Variants in KCTD1 observed in about 807,000 individuals in gnomAD.
KCTD1 encodes the protein BTB/POZ domain-containing protein KCTD1.
Under a neutral mutation model 66.0 loss-of-function variants are expected in KCTD1, and 24 were observed. The ratio of observed to expected loss-of-function variants is 0.36; its 90% CI spans 0.26 to 0.51. The LOEUF (loss-of-function observed/expected upper bound fraction) is 0.51. Ranked by LOEUF, KCTD1 falls within the 20% of genes least tolerant of loss-of-function variation. The pLI is 0.95. For missense variants in KCTD1, 943 were observed against 1,205.2 expected, an observed-to-expected ratio of 0.78 and a Z score of 3.22; for synonymous variants, 511 against 517.2, an observed-to-expected ratio of 0.99 and a Z score of 0.16.
chr18:26,550,054 C>T (rs1277983332), upstream of KCTD1, among the ~76,000 whole-genome samples: 1 of 152,126 alleles, frequency 6.6e-6, no homozygotes, highest in Non-Finnish European at 1.5e-5. This position sits in a 1 kb window ranked among gnomAD's most constrained non-coding sequence, Gnocchi z 5.4. Flanking sequence ...CTCCCGCAGC[C>T]CGTGTGTACC....
chr18:26,617,687 A>G (rs2145008554), intron 1 of KCTD1, among the ~76,000 whole-genome samples: 1 of 152,344 alleles, frequency 6.6e-6, no homozygotes, highest in South Asian at 2.1e-4. Context: ...TGCGGTGTCC[A>G]AATCTCCCAT....
chr18:26,472,469 A>G (rs1981121824), intron 3 of KCTD1, among the ~76,000 whole-genome samples: 1 of 152,190 alleles, frequency 6.6e-6, no homozygotes, highest in African/African-American at 2.4e-5. Context: ...TGCTCATTGT[A>G]AAAACTAATG....
At chr18:26,614,754 C>T (rs1987212994) in intron 1 of KCTD1, among the ~76,000 whole-genome samples, 1 of 152,190 alleles carries the variant, frequency 6.6e-6, no homozygotes, top group African/African-American at 2.4e-5. Flanking sequence ...ATCCAGGAAA[C>T]TTAGTTGTTT....
At chr18:26,650,228 G>A (rs1406186840) in intron 1 of KCTD1, among the ~76,000 whole-genome samples, 1 of 152,250 alleles carries the variant, frequency 6.6e-6, no homozygotes, top group Non-Finnish European at 1.5e-5. Flanking sequence ...GTATCTGGCA[G>A]AACTTGGGTC....
chr18:26,509,912 G>C (rs1010443034), intron 1 of KCTD1, among the ~76,000 whole-genome samples: 1 of 152,172 alleles, frequency 6.6e-6, no homozygotes, highest in Non-Finnish European at 1.5e-5. Flanking sequence ...TCTAAGACAG[G>C]AATAAATCGC....
At chr18:26,508,794 T>A (rs905038579) in intron 1 of KCTD1, among the ~76,000 whole-genome samples, 43 of 152,108 alleles carry the variant, frequency 2.8e-4, no homozygotes, top group Admixed American at 2.4e-3. Flanking sequence ...AATGTTCTGA[T>A]TAATTCTGAT....
In KCTD1 at chr18:26,547,968, T is replaced by A; in HGVS notation, c.569A>T (p.Lys190Met). ...GGTCTCGAAGTCCGGGCTCTGCGCC[T>A]TCTCGCTCAGGTACTCCCGGAAGAT... ...VRIFREYLSEKAQSPDFETMD... is the reference protein window; with the variant it reads ...VRIFREYLSEMAQSPDFETMD... Residue 190 changes from lysine (K) to methionine (M), a missense_variant, in exon 1 of 5, where the codon AAG becomes ATG. By Grantham distance (95) the Lys-to-Met change is moderately conservative (BLOSUM62 -1). This residue lies in a region of KCTD1 where 96 missense variants were observed against 132.5 expected (regional missense o/e 0.72). Coordinates refer to ENST00000580059, the MANE Select transcript of KCTD1 (RefSeq NM_001142730.3). The A allele has an allele frequency of 6.5e-7, 1 of 1,541,102 alleles. No individual in the cohort carries two copies. Among genetic ancestry groups the A allele is most frequent in the Non-Finnish European group, 8.7e-7 (1 of 1,146,138 alleles).
chr18:26,513,330 G>A (rs1983449300), intron 1 of KCTD1, among the ~76,000 whole-genome samples: 2 of 151,968 alleles, frequency 1.3e-5, no homozygotes, highest in Admixed American at 1.3e-4. Flanking sequence ...CTCGTGATCT[G>A]CCCACTTCGG....
At chr18:26,605,001 G>T (rs866564455) in intron 1 of KCTD1, among the ~76,000 whole-genome samples, 1 of 152,134 alleles carries the variant, frequency 6.6e-6, no homozygotes, top group South Asian at 2.1e-4. Flanking sequence ...TCACTACCCT[G>T]CCATCCTCAG....
chr18:26,632,627 T>C (rs1289826007), upstream of KCTD1, among the ~76,000 whole-genome samples: 1 of 152,156 alleles, frequency 6.6e-6, no homozygotes, highest in Non-Finnish European at 1.5e-5. Context: ...AGTTTGAGGA[T>C]ACAGGATAAT....
chr18:26,620,001 A>G (rs1598969988), intron 1 of KCTD1, among the ~76,000 whole-genome samples: 1 of 152,184 alleles, frequency 6.6e-6, no homozygotes, highest in South Asian at 2.1e-4. Flanking sequence ...CTAGTCATAC[A>G]ATATTCTTCA....
chr18:26,651,998 C>T (rs771813785), intron 1 of KCTD1, among the ~76,000 whole-genome samples: 3 of 152,002 alleles, frequency 2.0e-5, no homozygotes, highest in East Asian at 1.9e-4. Context: ...GTATTCCAGA[C>T]GGCCTCTGCT....
At chr18:26,578,030 C>T (rs2144913509) in intron 1 of KCTD1, among the ~76,000 whole-genome samples, 1 of 149,868 alleles carries the variant, frequency 6.7e-6, no homozygotes, top group East Asian at 1.9e-4. Context: ...TGCCCCATCT[C>T]CACCTTGCTT....
At chr18:26,599,526 GT>G (rs1159546472) in intron 1 of KCTD1, 20 of 1,550,136 alleles carry the variant, frequency 1.3e-5, no homozygotes, top group African/African-American at 4.1e-5. Context: ...AATGAGGGCC[GT>G]GGGTCTGTGG....
At chr18:26,602,377 A>G (rs1205946633) in intron 1 of KCTD1, among the ~76,000 whole-genome samples, 1 of 152,164 alleles carries the variant, frequency 6.6e-6, no homozygotes, top group Non-Finnish European at 1.5e-5. Flanking sequence ...ATCTATATTT[A>G]TAAGAAATGT....
intron 1 of KCTD1, among the ~76,000 whole-genome samples, chr18:26,656,359 G>A (rs761381377): frequency 9.9e-5 from 15 of 152,212 alleles, no homozygotes; most frequent in Non-Finnish European, 2.1e-4. Context: ...CTTCTAATCC[G>A]GAGCATGTGC....
At chr18:26,626,057 G>T (rs184999078) in intron 1 of KCTD1, among the ~76,000 whole-genome samples, 1 of 151,724 alleles carries the variant, frequency 6.6e-6, no homozygotes, top group East Asian at 1.9e-4. Flanking sequence ...CCACCATGAG[G>T]TTTAGGCTGT....
intron 2 of KCTD1, among the ~76,000 whole-genome samples, chr18:26,490,828 C>T (rs1982158709): frequency 2.0e-5 from 3 of 151,100 alleles, no homozygotes; most frequent in Admixed American, 1.3e-4. Context: ...TCTCGGCTCA[C>T]TGCAATCTCC....
intron 1 of KCTD1, among the ~76,000 whole-genome samples, chr18:26,502,324 C>T (rs1247858877): frequency 6.6e-6 from 1 of 152,178 alleles, no homozygotes; most frequent in Non-Finnish European, 1.5e-5. Context: ...GCTGGGATTA[C>T]AGGGGTGAGC....
Sources: allele counts gnomAD v4.1 joint callset (sites outside exome capture counted in the v4.1 genomes callset), GRCh38; gene constraint gnomAD v4.1.1; regional missense constraint gnomAD v4.1.1; non-coding constraint Gnocchi (gnomAD v3.1); transcripts MANE v1.5; gene names NCBI Gene and HGNC (gene_info 2026-07-23, HGNC 2026-07-21).